Variants in GSE1 observed in about 807,000 individuals in gnomAD.
GSE1 encodes the protein Gse1 coiled-coil protein, also known as genetic suppressor element 1.
A neutral mutation model predicts 112.6 loss-of-function variants in GSE1; 32 were observed. That is an observed-to-expected ratio of 0.28 (90% CI 0.21 to 0.38). The LOEUF (loss-of-function observed/expected upper bound fraction) is 0.38, where lower values mean the gene tolerates loss of function less well. Ranked by LOEUF, GSE1 falls within the 10% of genes least tolerant of loss-of-function variation. GSE1 has a pLI of 1.00. For synonymous variants in GSE1, 1,115 were observed against 735.6 expected (o/e 1.52, Z -8.35); for missense variants, 2,348 against 1,699.2 (o/e 1.38, Z -6.71).
chr16:85,451,092 AAAAAAAG>A (rs2049666613), intron 2 of GSE1, among the ~76,000 whole-genome samples: 2 of 151,788 alleles, frequency 1.3e-5, no homozygotes, highest in Non-Finnish European at 2.9e-5. Context: ...AAAAAAAAAA[AAAAAAAG>A]CCAGGTTTAT....
intron 2 of GSE1, among the ~76,000 whole-genome samples, chr16:85,644,780 G>C (rs1480264806): frequency 6.6e-6 from 1 of 152,026 alleles, no homozygotes. Context: ...CGCTGGGTGG[G>C]TGAATTACGC....
rs1271548116 is a variant in GSE1 at position 85,172,304 on chromosome 16, C to T, written c.2283+497C>T. Among the ~76,000 whole-genome samples the T allele has an allele frequency of 2.0e-5, 3 of 152,314 alleles. No individual in the cohort carries two copies. In the East Asian group the frequency reaches 5.8e-4, roughly 29 times the overall value. On this transcript the variant is annotated intron_variant, in intron 1 of 2. Coordinates refer to the GSE1 transcript ENST00000637419. ...CCAGAGTTTTCCACCTAAGTTCACA[C>T]TGTTCTTTTGAGACCGTGCTTGCTT... is the stretch of plus-strand genomic sequence containing the variant.
At chr16:85,328,625 A>T (rs2046275041) in intron 1 of GSE1, among the ~76,000 whole-genome samples, 1 of 152,190 alleles carries the variant, frequency 6.6e-6, no homozygotes, top group Non-Finnish European at 1.5e-5. Flanking sequence ...GTTCCAGAAT[A>T]TTCCTCCTCA....
chr16:85,613,382 G>A lies in GSE1; in HGVS notation c.-10G>A. 7 of 1,568,544 alleles carry A rather than the reference G, an allele frequency of 4.5e-6. No individual in the cohort carries two copies. Among genetic ancestry groups the A allele is most frequent in the Admixed American group, 1.8e-5 (1 of 54,214 alleles). ...ATGTATCAGCCGAGGTGGAGCTGCG[G>A]GGCCCTGGCATGAAAGGTGAGCGCG... is the stretch of plus-strand genomic sequence containing the variant. On this transcript the variant is annotated 5_prime_UTR_variant, in exon 1 of 16. Coordinates refer to ENST00000253458, the MANE Select transcript of GSE1 (RefSeq NM_014615.5).
In GSE1 at chr16:85,496,505, C is replaced by T. The variant is rs918780702; in HGVS notation, c.2465-137409C>T. ...GCGAGGCGGGCAGCCCGGGTGGCCT[C>T]GGTGCGGCGTGTCTGCGGAGTGGCA... On this transcript the variant is annotated intron_variant, in intron 2 of 2. Transcript: ENST00000637419. Among the ~76,000 whole-genome samples the T allele has an allele frequency of 4.6e-5, 7 of 152,314 alleles. No individual in the cohort carries two copies. In the East Asian group the frequency reaches 7.7e-4, roughly 17 times the overall value.
At chr16:85,594,091 G>A (rs1239244091) in intron 1 of GSE1, 1 of 152,232 alleles carries the variant, frequency 6.6e-6, no homozygotes, top group East Asian at 1.9e-4. Flanking sequence ...TTGCAGAAAA[G>A]GGAGGGAGGA....
rs770779111 is a variant in GSE1 at position 85,269,897 on chromosome 16, G to A, written c.2284-87566G>A. ...ACCAAGCAGCACCCGAGGCAGCGCC[G>A]ACATGTAGCTGCGTTCTGTGGACGC... On this transcript the variant is annotated intron_variant, in intron 1 of 2. Coordinates refer to the GSE1 transcript ENST00000637419. Among the ~76,000 whole-genome samples, 8 of 149,584 alleles carry A rather than the reference G, an allele frequency of 5.3e-5. 1 individual carries two copies. The highest frequency in any genetic ancestry group is 1.3e-4 in the Admixed American group (2 of 15,050).
chr16:85,553,225 G>C (rs1336738306), upstream of GSE1, among the ~76,000 whole-genome samples: 3 of 150,266 alleles, frequency 2.0e-5, no homozygotes, highest in Non-Finnish European at 4.5e-5. Flanking sequence ...GCGGAGGCCC[G>C]GCGGGGCGCG....
At chr16:85,300,703 T>C (rs1011540213) in intron 1 of GSE1, among the ~76,000 whole-genome samples, 1 of 152,230 alleles carries the variant, frequency 6.6e-6, no homozygotes, top group Non-Finnish European at 1.5e-5. Context: ...GGTTCCACTT[T>C]GGAGCAGCCG....
intron 1 of GSE1, among the ~76,000 whole-genome samples, chr16:85,202,358 C>T (rs1377183301): frequency 6.6e-6 from 1 of 152,236 alleles, no homozygotes; most frequent in African/African-American, 2.4e-5. Context: ...CCAGGGTGGG[C>T]TTGGGAAGCT....
chr16:85,340,821 G>A (rs1270177834), intron 1 of GSE1, among the ~76,000 whole-genome samples: 1 of 152,158 alleles, frequency 6.6e-6, no homozygotes, highest in Non-Finnish European at 1.5e-5. Flanking sequence ...GGCTGGGAGG[G>A]TGGGACGGTG....
Position 85,657,448 on chromosome 16 carries a change from A to T in GSE1, c.1484A>T (p.Glu495Val). The T allele has an allele frequency of 6.2e-7, 1 of 1,612,510 alleles. No homozygotes were observed. Among genetic ancestry groups the T allele is most frequent in the Non-Finnish European group, 8.5e-7 (1 of 1,179,732 alleles). The part of the protein sequence containing the change: ...ALLIQRTNEE[E>V]KWLARQRRLR... ...CTGATCCAGCGCACCAATGAGGAGGAGAAGTGGCTGGCGCGGCAGCGGCGG... is the reference window on the plus strand; with the variant it reads ...CTGATCCAGCGCACCAATGAGGAGGTGAAGTGGCTGGCGCGGCAGCGGCGG... Residue 495 changes from glutamate (E) to valine (V), a missense_variant, in exon 8 of 16, where the codon GAG becomes GTG. By Grantham distance (121) the Glu-to-Val change is moderately radical (BLOSUM62 -2). Transcript: ENST00000253458.
intron 1 of GSE1, among the ~76,000 whole-genome samples, chr16:85,584,191 C>T (rs571076609): frequency 3.4e-5 from 5 of 148,958 alleles, no homozygotes; most frequent in Admixed American, 2.7e-4. Context: ...ACCTTCCTCC[C>T]CCTCTGCGTG....
At chr16:85,650,051 G>C (rs559215007) in intron 3 of GSE1, among the ~76,000 whole-genome samples, 31 of 152,276 alleles carry the variant, frequency 2.0e-4, no homozygotes, top group Admixed American at 5.2e-4. Context: ...GGACAAACCT[G>C]CCCAGGGTCC....
At chr16:85,428,789 G>A (rs1161928865) in intron 2 of GSE1, among the ~76,000 whole-genome samples, 1 of 152,178 alleles carries the variant, frequency 6.6e-6, no homozygotes, top group African/African-American at 2.4e-5. Context: ...GTGGGTGGGA[G>A]CGGGCTGGGG....
At position 85,661,165 on chromosome 16, in the gene GSE1, G is replaced by C. The variant is rs370221162; in HGVS notation, c.1660G>C (p.Glu554Gln). 1.9e-6 allele frequency: 3 copies of C among 1,590,970 alleles called. No individual in the cohort carries two copies. The highest frequency in any genetic ancestry group is 1.1e-5 in the South Asian group (1 of 90,092). The change falls in exon 9 of 16, where the codon GAG becomes CAG. Residue 554 changes from glutamate to glutamine, a missense_variant. Physicochemically the swap from Glu to Gln is conservative, Grantham distance 29. Coordinates refer to ENST00000253458, the MANE Select transcript of GSE1 (RefSeq NM_014615.5). ...CCCTAGGCCAGGACCAAACCGTCAC[G>C]AGCCAGGTGGCCGTGACCCTCCGCA... ...STTRPGPNRH[E>Q]PGGRDPPQHF... is the part of the protein sequence containing the mutation.
At chr16:85,574,603 C>T (rs2046143870) in intron 1 of GSE1, among the ~76,000 whole-genome samples, 1 of 152,230 alleles carries the variant, frequency 6.6e-6, no homozygotes, top group Non-Finnish European at 1.5e-5. Context: ...TAGGTCATTC[C>T]TTTCTGGGCC....
intron 2 of GSE1, among the ~76,000 whole-genome samples, chr16:85,404,338 G>T (rs2048205226): frequency 1.4e-5 from 1 of 71,400 alleles, no homozygotes; most frequent in Admixed American, 1.2e-4. Flanking sequence ...GGGCCCCCCG[G>T]ATAATCCTCA....
In GSE1 at chr16:85,493,867, C is replaced by T. The variant is rs191666505; in HGVS notation, c.2464+136224C>T. Among the ~76,000 whole-genome samples the T allele has an allele frequency of 4.5e-3, 682 of 150,622 alleles. 2 individuals carry two copies. Among genetic ancestry groups the T allele is most frequent in the Admixed American group, 7.0e-3 (106 of 15,140 alleles). The stretch of plus-strand genomic sequence containing the variant: ...GCTACTTGGGAGCTCCTCGCTTGAG[C>T]TCAGGAGTTCAAAACCAGCCTGCGC... On this transcript the variant is annotated intron_variant, in intron 2 of 2. Transcript: ENST00000637419.
Sources: gnomAD v4.1 joint callset for allele counts (sites outside exome capture counted in the v4.1 genomes callset) on GRCh38, gnomAD v4.1.1 for gene constraint, MANE v1.5 for transcripts, NCBI Gene and HGNC (gene_info 2026-07-23, HGNC 2026-07-21) for gene names.